Variants in ADGRB3 observed in about 807,000 individuals in gnomAD.
The protein encoded by ADGRB3 is adhesion G protein-coupled receptor B3.
A neutral mutation model predicts 193.4 loss-of-function variants in ADGRB3; 37 were observed. That is an observed-to-expected ratio of 0.19 (90% CI 0.15 to 0.25). ADGRB3 has a LOEUF of 0.25. Among genes scored for constraint, ADGRB3 ranks in the 10% least tolerant of loss-of-function variants. The pLI is 1.00. For missense variants in ADGRB3, 1,637 were observed against 1,852.9 expected (o/e 0.88, Z 2.14); for synonymous variants, 690 against 644.2 (o/e 1.07, Z -1.08).
intron 17 of ADGRB3, among the ~76,000 whole-genome samples, chr6:69,116,379 A>G (rs961209340): frequency 6.6e-6 from 1 of 152,124 alleles, no homozygotes; most frequent in African/African-American, 2.4e-5. Flanking sequence ...TTTCACCCCT[A>G]ACCCTTTTTT....
At chr6:69,330,059 A>C (rs985066953) in intron 22 of ADGRB3, among the ~76,000 whole-genome samples, 1 of 152,150 alleles carries the variant, frequency 6.6e-6, no homozygotes, top group Non-Finnish European at 1.5e-5. Flanking sequence ...TTCTCCCAAT[A>C]TTTCAATGAC....
chr6:69,386,799 T>C (rs897205575), intron 31 of ADGRB3, among the ~76,000 whole-genome samples: 1 of 152,062 alleles, frequency 6.6e-6, no homozygotes, highest in African/African-American at 2.4e-5. Flanking sequence ...TAATGTTACT[T>C]TTCTCAGAAA....
chr6:69,019,307 T>G (rs865841063), intron 13 of ADGRB3, among the ~76,000 whole-genome samples: 1 of 152,054 alleles, frequency 6.6e-6, no homozygotes, highest in Non-Finnish European at 1.5e-5. Flanking sequence ...GAACCATAGA[T>G]AGAAATGTGT....
At chr6:69,043,352 G>A (rs1771145023) in intron 13 of ADGRB3, among the ~76,000 whole-genome samples, 2 of 144,854 alleles carry the variant, frequency 1.4e-5, no homozygotes, top group South Asian at 2.2e-4. Flanking sequence ...AGAAGATTAA[G>A]TAAAAAGGAA....
chr6:68,955,867 G>A (rs1768056944), intron 6 of ADGRB3, among the ~76,000 whole-genome samples, 157 bp from the exon 7 acceptor site: 3 of 152,132 alleles, frequency 2.0e-5, no homozygotes, highest in African/African-American at 7.2e-5. Flanking sequence ...AATATTTGGG[G>A]AGTTAATAAA....
chr6:69,121,399 A>T (rs1036526620), intron 17 of ADGRB3, among the ~76,000 whole-genome samples: 5 of 152,158 alleles, frequency 3.3e-5, no homozygotes, highest in South Asian at 2.1e-4. Context: ...CTCCTATGTC[A>T]ACTTCTTTCT....
At chr6:68,828,311 G>A (rs907485177) in intron 3 of ADGRB3, among the ~76,000 whole-genome samples, 1 of 152,132 alleles carries the variant, frequency 6.6e-6, no homozygotes, top group African/African-American at 2.4e-5. Context: ...ATGCCAGTAA[G>A]TAGTTTTGCC....
intron 3 of ADGRB3, among the ~76,000 whole-genome samples, chr6:68,747,882 G>A (rs1460895770): frequency 6.6e-6 from 1 of 152,104 alleles, no homozygotes; most frequent in African/African-American, 2.4e-5. Context: ...GGTTTAATTG[G>A]ACTTACAGTT....
At chr6:68,864,968 T>G (rs1396701327) in intron 3 of ADGRB3, among the ~76,000 whole-genome samples, 1 of 152,196 alleles carries the variant, frequency 6.6e-6, no homozygotes, top group East Asian at 1.9e-4. Context: ...ATACTATATC[T>G]CTTAAATTCT....
chr6:68,715,987 A>G (rs1765483213), intron 3 of ADGRB3, among the ~76,000 whole-genome samples: 1 of 151,836 alleles, frequency 6.6e-6, no homozygotes, highest in African/African-American at 2.4e-5. Context: ...AACCTGTCTA[A>G]ACGTCAAAAA....
chr6:69,252,276 A>G (rs1766640125), intron 20 of ADGRB3, among the ~76,000 whole-genome samples: 1 of 152,166 alleles, frequency 6.6e-6, no homozygotes, highest in Non-Finnish European at 1.5e-5. Flanking sequence ...TTGTATGACT[A>G]TATCATGATT....
intron 17 of ADGRB3, among the ~76,000 whole-genome samples, chr6:69,081,908 AT>A (rs1412986487): frequency 6.6e-6 from 1 of 152,084 alleles, no homozygotes; most frequent in Non-Finnish European, 1.5e-5. Context: ...CTCAACACAA[AT>A]TCTCTGGTCT....
At chr6:68,816,328 A>G (rs1477567823) in intron 3 of ADGRB3, among the ~76,000 whole-genome samples, 2 of 150,432 alleles carry the variant, frequency 1.3e-5, no homozygotes, top group African/African-American at 4.9e-5. Flanking sequence ...GTACTGAGTT[A>G]TGACACTGTT....
chr6:68,935,532 C>T (rs1196354797), intron 4 of ADGRB3, among the ~76,000 whole-genome samples: 3 of 152,088 alleles, frequency 2.0e-5, no homozygotes, highest in Non-Finnish European at 4.4e-5. Flanking sequence ...AACATTTCAC[C>T]TACAAATTTT....
At chr6:68,658,077 T>C (rs1768533573) in intron 3 of ADGRB3, among the ~76,000 whole-genome samples, 1 of 151,412 alleles carries the variant, frequency 6.6e-6, no homozygotes. Flanking sequence ...ATTATTCCTG[T>C]GTGTCAGATA....
intron 17 of ADGRB3, among the ~76,000 whole-genome samples, chr6:69,210,959 C>CA (rs553778800): frequency 3.3e-3 from 473 of 141,732 alleles, no homozygotes; most frequent in African/African-American, 5.7e-3. Context: ...ACCAAAAATA[C>CA]AAAAAAAAAA....
intron 28 of ADGRB3, 78 bp downstream of exon 28, chr6:69,355,938 G>A: frequency 7.8e-7 from 1 of 1,277,780 alleles, no homozygotes; most frequent in Non-Finnish European, 1.1e-6. Flanking sequence ...TAAAGAAAAT[G>A]CTGTGGTTTA....
At chr6:68,677,616 C>G (rs1769128526) in intron 3 of ADGRB3, among the ~76,000 whole-genome samples, 1 of 143,016 alleles carries the variant, frequency 7.0e-6, no homozygotes, top group South Asian at 2.2e-4. Context: ...CTCCTAGGTT[C>G]AAGGGATTCT....
chr6:68,933,767 C>G (rs556128923), intron 4 of ADGRB3, among the ~76,000 whole-genome samples: 1 of 152,084 alleles, frequency 6.6e-6, no homozygotes, highest in Non-Finnish European at 1.5e-5. Context: ...TTCATTTTAT[C>G]GAAGACATTC....
Sources: allele counts gnomAD v4.1 joint callset (sites outside exome capture counted in the v4.1 genomes callset), GRCh38; gene constraint gnomAD v4.1.1; transcripts MANE v1.5; gene names NCBI Gene and HGNC (gene_info 2026-07-23, HGNC 2026-07-21).